MOGAT3: variants seen among roughly 807,000 people sequenced by gnomAD.
MOGAT3 encodes monoacylglycerol O-acyltransferase 3.
In MOGAT3, 39 loss-of-function variants were observed where a neutral mutation model predicts 34.4. That is an observed-to-expected ratio of 1.13 (90% CI 0.88 to 1.48). The LOEUF (loss-of-function observed/expected upper bound fraction) is 1.48. MOGAT3 is among the 40% of genes most tolerant of loss of function. The pLI is 0.00. For synonymous variants in MOGAT3, 209 were observed against 179.2 expected (o/e 1.17, Z -1.33); for missense variants, 439 against 438.9 (o/e 1.00, Z 0.00).
chr7:101,194,647 G>A (rs1441593551), downstream of MOGAT3, among the ~76,000 whole-genome samples: 2 of 150,652 alleles, frequency 1.3e-5, no homozygotes, highest in African/African-American at 2.4e-5. Flanking sequence ...GACTACAGGC[G>A]CCCGCCACCA....
At chr7:101,198,427 C>G in intron 4 of MOGAT3, 62 bp from the exon 5 acceptor site, 1 of 1,476,384 alleles carries the variant, frequency 6.8e-7, no homozygotes. Flanking sequence ...CCGCCCCTCA[C>G]CCAGCCTTTA....
chr7:101,196,645 G>A (rs905054485), intron 5 of MOGAT3, among the ~76,000 whole-genome samples: 1 of 152,176 alleles, frequency 6.6e-6, no homozygotes, highest in Non-Finnish European at 1.5e-5. Context: ...ACGGTGGGAG[G>A]ATCATTTGAG....
At chr7:101,196,423 G>C in intron 5 of MOGAT3, 34 bp from the exon 6 acceptor site, 1 of 1,536,118 alleles carries the variant, frequency 6.5e-7, no homozygotes, top group Non-Finnish European at 8.9e-7. Context: ...GGGGGCTCAG[G>C]CTGCTGGACT....
chr7:101,195,979 C>T lies in MOGAT3; in HGVS notation c.993G>A (p.Gly331=). 1 of 1,614,150 alleles carries T rather than the reference C, an allele frequency of 6.2e-7. No homozygotes were observed. Among genetic ancestry groups the T allele is most frequent in the Admixed American group, 1.7e-5 (1 of 60,014 alleles). The change falls in exon 7 of 7, where the codon GGG becomes GGA. Residue 331 remains glycine, a synonymous_variant. Transcript: ENST00000223114. ...QLFEEHKESC[G]VPASTCLTFI Reference sequence around the variant, plus strand: ...AGGTGAGGCAGGTGGAAGCGGGGACCCCACAGCTTTCCTTGTGCTCCTCGA... The same window carrying T: ...AGGTGAGGCAGGTGGAAGCGGGGACTCCACAGCTTTCCTTGTGCTCCTCGA...
rs1562882944 is a variant in MOGAT3 at position 101,196,373 on chromosome 7, CG to C, written c.684del (p.Val229CysfsTer88). On this transcript the variant is annotated frameshift_variant, in exon 6 of 7. Coordinates refer to ENST00000223114, the MANE Select transcript of MOGAT3 (RefSeq NM_178176.4). LOFTEE classifies it high-confidence loss of function. ...ATGTCATTCTCCCCAAAGGAGTACA[CG>C]GGCACCAGGGACGCCCTGGGAAGGA... ...LALRHGASLV[P>X]VYSFGENDIF... 3 of 1,611,376 alleles carry C rather than the reference CG, an allele frequency of 1.9e-6. 1 individual carries two copies. In the Admixed American group the frequency reaches 5.0e-5, roughly 27 times the overall value.
At position 101,199,751 on chromosome 7, in the gene MOGAT3, A is replaced by C. The variant is rs191631534; in HGVS notation, c.288+483T>G. ...CACCTCGGCCTCCCAAAGTGCTTGG[A>C]TTACAGGCATGAGCCATGGTGCCCC... On this transcript the variant is annotated intron_variant, in intron 3 of 6. Transcript: ENST00000223114. Among the ~76,000 whole-genome samples, 751 of 149,084 alleles carry C rather than the reference A, an allele frequency of 5.0e-3. 6 individuals carry two copies. The highest frequency in any genetic ancestry group is 7.5e-3 in the Non-Finnish European group (505 of 67,488).
Position 101,200,435 on chromosome 7 carries a change from A to T in MOGAT3, c.190T>A (p.Tyr64Asn), listed in dbSNP as rs1797924634. 6.2e-7 allele frequency: 1 copy of T among 1,612,448 alleles called. No individual in the cohort carries two copies. Among genetic ancestry groups the T allele is most frequent in the Non-Finnish European group, 8.5e-7 (1 of 1,179,308 alleles). The change falls in exon 2 of 7, where the codon TAT becomes AAT. Residue 64 changes from tyrosine to asparagine, a missense_variant. Tyr to Asn is a moderately radical substitution (Grantham distance 143, BLOSUM62 -2). Coordinates refer to ENST00000223114, the MANE Select transcript of MOGAT3 (RefSeq NM_178176.4). Reference sequence around the variant, plus strand: ...TGGTTGGGTGTGTCCCAGTCCACATAGAGCCACACCAAGTAAAAAACAGAG... The same window carrying T: ...TGGTTGGGTGTGTCCCAGTCCACATTGAGCCACACCAAGTAAAAAACAGAG... ...PFSVFYLVWL[Y>N]VDWDTPNQGG...
Position 101,196,063 on chromosome 7 carries a change from G to A in MOGAT3, c.909C>T (p.Pro303=), listed in dbSNP as rs149299862. Residue 303 remains proline (P), a synonymous_variant, in exon 7 of 7, where the codon CCC becomes CCT. Transcript: ENST00000223114. The part of the protein sequence containing the change: ...RPIPVPQRLH[P]TEEEVNHYHA... ...GATAGTGATTGACTTCCTCCTCGGT[G>A]GGGTGGAGGCGCTGGGGGACGGGGA... is the stretch of plus-strand genomic sequence containing the variant. 5.0e-6 allele frequency: 8 copies of A among 1,613,360 alleles called. No homozygotes were observed. The African/African-American group carries it at 1.1e-4, about 22-fold the overall frequency.
downstream of MOGAT3, among the ~76,000 whole-genome samples, chr7:101,193,531 C>T (rs1006583795): frequency 6.6e-6 from 1 of 151,932 alleles, no homozygotes; most frequent in Non-Finnish European, 1.5e-5. Context: ...CGGGTTCAAG[C>T]GATTCTCCTG....
At chr7:101,193,421 AT>A (rs1797718993), downstream of MOGAT3, among the ~76,000 whole-genome samples, 2 of 151,854 alleles carry the variant, frequency 1.3e-5, no homozygotes, top group East Asian at 3.9e-4. Context: ...GAGCTGATTT[AT>A]TTTTATTTTT....
At position 101,195,897 on chromosome 7, in the gene MOGAT3, G is replaced by A. The variant is rs1311165258; in HGVS notation, c.*49C>T. 1 of 1,600,062 alleles carries A rather than the reference G, an allele frequency of 6.2e-7. No individual in the cohort carries two copies. The highest frequency in any genetic ancestry group is 8.6e-7 in the Non-Finnish European group (1 of 1,168,650). ...AGGCATGGAGTCCACAGTGGGTGGA[G>A]GTCTCAGTGCCTTGGGCTCAGGGGC... On this transcript the variant is annotated 3_prime_UTR_variant, in exon 7 of 7. Coordinates refer to ENST00000223114, the MANE Select transcript of MOGAT3 (RefSeq NM_178176.4).
At chr7:101,197,590 C>T (rs552008361) in intron 5 of MOGAT3, among the ~76,000 whole-genome samples, 8 of 152,192 alleles carry the variant, frequency 5.3e-5, no homozygotes, top group South Asian at 4.1e-4. Flanking sequence ...TAGGTATCAG[C>T]CCTCTTCGCA....
rs199695847 is a variant in MOGAT3 at position 101,198,848 on chromosome 7, G to A, written c.289-18C>T. The A allele has an allele frequency of 1.2e-6, 2 of 1,612,238 alleles. No homozygotes were observed. The highest frequency in any genetic ancestry group is 2.7e-5 in the African/African-American group (2 of 74,994). On this transcript the variant is annotated intron_variant, in intron 3 of 6. Transcript: ENST00000223114. ...TTCACCAGCTTCGGGGTGTTGAGCA[G>A]GATGAAGGGAGGATGGAAGGCAAGA...
rs1360285228 is a variant in MOGAT3, at chr7:101,200,974, G to A, written c.-120C>T. 7 of 713,922 alleles carry A rather than the reference G, an allele frequency of 9.8e-6. No homozygotes were observed. Among genetic ancestry groups the A allele is most frequent in the Non-Finnish European group, 1.6e-5 (7 of 426,434 alleles). The allele number at this position is 713,922 out of a possible 1,614,324, so 44.2% of individuals were successfully genotyped here. On this transcript the variant is annotated 5_prime_UTR_variant, in exon 1 of 7. Coordinates refer to ENST00000223114, the MANE Select transcript of MOGAT3 (RefSeq NM_178176.4). ...AGCCCAGCTTTGGGGGCCTGGCTAA[G>A]TCGCAAATCACCTCCCAGAGTAGCG...
Position 101,200,472 on chromosome 7 carries a change from T to G in MOGAT3, c.153A>C (p.Ser51=). 6.2e-7 allele frequency: 1 copy of G among 1,605,860 alleles called. No individual in the cohort carries two copies. Among genetic ancestry groups the G allele is most frequent in the Non-Finnish European group, 8.5e-7 (1 of 1,176,196 alleles). The change falls in exon 2 of 7, where the codon TCA becomes TCC. Residue 51 remains serine (S), a synonymous_variant. Coordinates refer to ENST00000223114, the MANE Select transcript of MOGAT3 (RefSeq NM_178176.4). The part of the protein sequence containing the change: ...SLLVFVLLFT[S]LWPFSVFYLV... Reference sequence around the variant, plus strand: ...AGTAAAAAACAGAGAAGGGCCAGAGTGACGTGAAGAGGAGGACAAAGACAA... The same window carrying G: ...AGTAAAAAACAGAGAAGGGCCAGAGGGACGTGAAGAGGAGGACAAAGACAA...
At position 101,198,427 on chromosome 7, in the gene MOGAT3, C is replaced by T. The variant is rs1797859659; in HGVS notation, c.494-62G>A. ...GCCTCCACGGCACCCCCGCCCCTCACCCAGCCTTTAGTTCCAAGCCCCCTA... is the reference window on the plus strand; with the variant it reads ...GCCTCCACGGCACCCCCGCCCCTCATCCAGCCTTTAGTTCCAAGCCCCCTA... On this transcript the variant is annotated intron_variant, in intron 4 of 6. Coordinates refer to ENST00000223114, the MANE Select transcript of MOGAT3 (RefSeq NM_178176.4). The T allele has an allele frequency of 4.7e-6, 7 of 1,476,384 alleles. No individual in the cohort carries two copies. In the East Asian group the frequency reaches 1.7e-4, roughly 35 times the overall value. 91.5% of individuals were successfully genotyped at this position (1,476,384 alleles called of 1,614,324 possible).
chr7:101,195,702 C>T lies in MOGAT3; in HGVS notation c.*244G>A, dbSNP rs1466947168. 7 of 537,254 alleles carry T rather than the reference C, an allele frequency of 1.3e-5. No individual in the cohort carries two copies. The highest frequency in any genetic ancestry group is 3.8e-5 in the African/African-American group (2 of 52,282). 33.3% of individuals were successfully genotyped at this position (537,254 alleles called of 1,614,324 possible). A position where few individuals can be genotyped will look rare whatever the true frequency, so the allele number is the denominator to read the frequency against. On this transcript the variant is annotated 3_prime_UTR_variant, in exon 7 of 7. Coordinates refer to ENST00000223114, the MANE Select transcript of MOGAT3 (RefSeq NM_178176.4). ...GATTACAGGCACATGCCACCATGCCCGGCTAATTAACAACATTATTTTTTA... is the reference window on the plus strand; with the variant it reads ...GATTACAGGCACATGCCACCATGCCTGGCTAATTAACAACATTATTTTTTA...
At chr7:101,193,737 C>T (rs533067933), downstream of MOGAT3, among the ~76,000 whole-genome samples, 3 of 152,124 alleles carry the variant, frequency 2.0e-5, no homozygotes, top group East Asian at 1.9e-4. Flanking sequence ...CTGAACGAAA[C>T]ATTTCTATGC....
chr7:101,200,366 C>T (rs1797921395), intron 2 of MOGAT3, 42 bp downstream of exon 2: 1 of 1,606,832 alleles, frequency 6.2e-7, no homozygotes, highest in Admixed American at 1.7e-5. Flanking sequence ...CCCCCCATGT[C>T]CCCACCATCT....
Sources: allele counts gnomAD v4.1 joint callset (sites outside exome capture counted in the v4.1 genomes callset), GRCh38; gene constraint gnomAD v4.1.1; transcripts MANE v1.5; gene names NCBI Gene and HGNC (gene_info 2026-07-23, HGNC 2026-07-21).